NAE1: variants seen among roughly 807,000 people sequenced by gnomAD.
NAE1 encodes NEDD8-activating enzyme E1 regulatory subunit.
Under a neutral mutation model 88.0 loss-of-function variants are expected in NAE1, and 59 were observed. The ratio of observed to expected loss-of-function variants is 0.67; its 90% CI spans 0.54 to 0.83. The LOEUF (loss-of-function observed/expected upper bound fraction) is 0.83. Among genes scored for constraint, NAE1 ranks in the 40% least tolerant of loss-of-function variants. The pLI is 0.00. For synonymous variants in NAE1, 186 were observed against 208.9 expected, an observed-to-expected ratio of 0.89 and a Z score of 0.95; for missense variants, 554 against 632.8, an observed-to-expected ratio of 0.88 and a Z score of 1.34.
intron 4 of NAE1, chr16:66,824,641 T>C (rs363213): frequency 7.8e-4 from 301 of 387,602 alleles, no homozygotes; most frequent in Non-Finnish European, 1.2e-3. Flanking sequence ...TACTCAAGAT[T>C]TAGCTTTAAT....
intron 15 of NAE1, 94 bp downstream of exon 15, chr16:66,810,280 A>C (rs115947594): frequency 9.5e-7 from 1 of 1,056,336 alleles, no homozygotes; most frequent in Non-Finnish European, 1.4e-6. Context: ...GGCCATGGAA[A>C]ACTTAAAATT....
chr16:66,819,593 T>C (rs1427759862), intron 7 of NAE1, among the ~76,000 whole-genome samples: 1 of 152,238 alleles, frequency 6.6e-6, no homozygotes, highest in Admixed American at 6.5e-5. Context: ...GTTTTGGATT[T>C]TGTTGAGTTT....
chr16:66,812,446 G>GT (rs1959840502), intron 13 of NAE1, among the ~76,000 whole-genome samples: 1 of 151,282 alleles, frequency 6.6e-6, no homozygotes, highest in South Asian at 2.1e-4. Flanking sequence ...CCTCCTAGGC[G>GT]TATGTGGTAA....
At chr16:66,824,558 C>T in intron 4 of NAE1, 1 of 195,568 alleles carries the variant, frequency 5.1e-6, no homozygotes, top group Non-Finnish European at 1.0e-5. Context: ...CGCCACTGCA[C>T]TCCAGCCTGG....
chr16:66,830,957 C>T lies in NAE1; in HGVS notation c.-58G>A. On this transcript the variant is annotated 5_prime_UTR_variant, in exon 1 of 20. Transcript: ENST00000290810. The stretch of plus-strand genomic sequence containing the variant: ...CCCTGCGGAGCGCCGCCACCAGCTC[C>T]ACAAGCGCGCAGGCGCACTGAGCGC... The T allele has an allele frequency of 1.4e-6, 2 of 1,450,054 alleles. No individual in the cohort carries two copies. Among genetic ancestry groups the T allele is most frequent in the Non-Finnish European group, 1.8e-6 (2 of 1,102,438 alleles). 89.8% of individuals were successfully genotyped at this position (1,450,054 alleles called of 1,614,324 possible). A position where few individuals can be genotyped will look rare whatever the true frequency, so the allele number is the denominator to read the frequency against.
chr16:66,808,180 C>A (rs1959649588), intron 17 of NAE1, among the ~76,000 whole-genome samples: 1 of 152,168 alleles, frequency 6.6e-6, no homozygotes, highest in African/African-American at 2.4e-5. Context: ...ACGTGAGCCA[C>A]CGTACTATGC....
rs757005039 is a variant in NAE1, at chr16:66,806,039, G to A, written c.1331-13C>T. On this transcript the variant is annotated splice_polypyrimidine_tract_variant and intron_variant, in intron 17 of 19. Coordinates refer to ENST00000290810, the MANE Select transcript of NAE1 (RefSeq NM_003905.4). ...TAGTTAGATACTCCTAAAAATAAAA[G>A]TTAGTTTTCATTAAAATAAATGTGA... 1.9e-6 allele frequency: 3 copies of A among 1,591,592 alleles called. No homozygotes were observed. In the Admixed American group the frequency reaches 5.5e-5, roughly 29 times the overall value.
intron 11 of NAE1, among the ~76,000 whole-genome samples, chr16:66,815,968 C>T (rs1960028696): frequency 6.6e-6 from 1 of 152,078 alleles, no homozygotes; most frequent in South Asian, 2.1e-4. Context: ...CTGGCCCCAG[C>T]CAGCACACTT....
intron 3 of NAE1, chr16:66,825,978 T>A (rs1490922216): frequency 6.5e-6 from 1 of 152,930 alleles, no homozygotes; most frequent in Non-Finnish European, 1.5e-5. Context: ...ATTGCTGGTT[T>A]CCCTTATATT....
chr16:66,810,241 C>A, intron 15 of NAE1, 133 bp downstream of exon 15: 6 of 689,808 alleles, frequency 8.7e-6, no homozygotes, highest in Non-Finnish European at 1.3e-5. Context: ...AAAACCTTAC[C>A]CAATAATTAT....
intron 11 of NAE1, among the ~76,000 whole-genome samples, chr16:66,814,142 A>C (rs1959937112): frequency 6.6e-6 from 1 of 152,196 alleles, no homozygotes; most frequent in South Asian, 2.1e-4. Flanking sequence ...ACATCTGAAG[A>C]CAAAACAGAT....
chr16:66,823,587 G>C lies in NAE1; in HGVS notation c.263C>G (p.Ala88Gly). 6.3e-7 allele frequency: 1 copy of C among 1,599,590 alleles called. No individual in the cohort carries two copies. The highest frequency in any genetic ancestry group is 8.5e-7 in the Non-Finnish European group (1 of 1,176,384). Residue 88 changes from alanine (A) to glycine (G), a missense_variant, in exon 5 of 20, where the codon GCT (alanine) becomes GGT (glycine). By Grantham distance (60) the Ala-to-Gly change is moderately conservative (BLOSUM62 0). Transcript: ENST00000290810. ...RSSIGKNRAE[A>G]AMEFLQELNS... The stretch of plus-strand genomic sequence containing the variant: ...TAATTCTTGTAAGAATTCCATGGCA[G>C]CTTCAGCTCGGTTCTTTTTAAAAAC...
chr16:66,808,741 G>A, intron 16 of NAE1, 128 bp from the exon 17 acceptor site: 1 of 741,420 alleles, frequency 1.3e-6, no homozygotes, highest in East Asian at 2.6e-5. Context: ...TACTGAAGTA[G>A]TAACATACTG....
chr16:66,804,196 T>C (rs1217861853), intron 19 of NAE1, among the ~76,000 whole-genome samples: 3 of 147,544 alleles, frequency 2.0e-5, no homozygotes, highest in African/African-American at 7.6e-5. Context: ...TGAAGGGATA[T>C]AATGGCACTG....
chr16:66,811,589 C>T (rs1959802546), intron 13 of NAE1, among the ~76,000 whole-genome samples: 1 of 151,974 alleles, frequency 6.6e-6, no homozygotes, highest in Non-Finnish European at 1.5e-5. Context: ...CCATGGAAAA[C>T]GTAAAATTTC....
intron 7 of NAE1, among the ~76,000 whole-genome samples, chr16:66,819,854 A>G (rs1218452809): frequency 6.6e-6 from 1 of 152,192 alleles, no homozygotes; most frequent in African/African-American, 2.4e-5. Context: ...CTTCATTATT[A>G]TCTACCCTCT....
At position 66,825,900 on chromosome 16, in the gene NAE1, C is replaced by T. The variant is rs1366051816; in HGVS notation, c.218+623G>A. On this transcript the variant is annotated intron_variant, in intron 3 of 19. Transcript: ENST00000290810. The stretch of plus-strand genomic sequence containing the variant: ...TTCTTGGTATATATCAATAAAAAAG[C>T]TGTGCTGTGCCTGGCAGAAACTGGC... Among the ~76,000 whole-genome samples, 5 of 152,154 alleles carry T rather than the reference C, an allele frequency of 3.3e-5. No individual in the cohort carries two copies. The East Asian group carries it at 5.8e-4, about 18-fold the overall frequency.
chr16:66,821,021 A>G (rs961743117), intron 7 of NAE1, among the ~76,000 whole-genome samples: 2 of 152,128 alleles, frequency 1.3e-5, no homozygotes, highest in African/African-American at 2.4e-5. Flanking sequence ...GTGAGCCAAG[A>G]TTGTGCCATT....
chr16:66,810,521 G>T, intron 14 of NAE1, 108 bp from the exon 15 acceptor site: 3 of 1,145,392 alleles, frequency 2.6e-6, no homozygotes, highest in Non-Finnish European at 3.8e-6. Context: ...TCCAAGAGCT[G>T]GGAGAGCACT....
Sources: gnomAD v4.1 joint callset for allele counts (sites outside exome capture counted in the v4.1 genomes callset) on GRCh38, gnomAD v4.1.1 for gene constraint, MANE v1.5 for transcripts, NCBI Gene and HGNC (gene_info 2026-07-23, HGNC 2026-07-21) for gene names.